Variants in SIRT1 observed in about 807,000 individuals in gnomAD.
SIRT1 encodes NAD-dependent protein deacetylase sirtuin-1.
In SIRT1, 24 loss-of-function variants were observed where a neutral mutation model predicts 67.9. The ratio of observed to expected loss-of-function variants is 0.35; its 90% CI spans 0.26 to 0.50. The LOEUF (loss-of-function observed/expected upper bound fraction) is 0.50. Ranked by LOEUF, SIRT1 falls within the 20% of genes least tolerant of loss-of-function variation. SIRT1 has a pLI of 0.98. For missense variants in SIRT1, 873 were observed against 937.2 expected, an observed-to-expected ratio of 0.93 and a Z score of 0.89; for synonymous variants, 378 against 350.7, an observed-to-expected ratio of 1.08 and a Z score of -0.87.
At chr10:67,906,390 T>A in intron 4 of SIRT1, 1 of 1,198,474 alleles carries the variant, frequency 8.3e-7, no homozygotes, top group South Asian at 1.6e-5. Context: ...CAGTGCTTTT[T>A]TTTTTAAATC....
intron 4 of SIRT1, among the ~76,000 whole-genome samples, chr10:67,902,301 T>C (rs1291074371): frequency 2.0e-5 from 3 of 152,234 alleles, no homozygotes; most frequent in East Asian, 3.8e-4. Context: ...AATATGTTCT[T>C]AATTATAGTC....
intron 6 of SIRT1, 63 bp downstream of exon 6, chr10:67,908,188 A>T (rs1047958607): frequency 6.4e-6 from 9 of 1,417,302 alleles, no homozygotes; most frequent in Admixed American, 1.8e-5. Flanking sequence ...CTTTTGCCTC[A>T]AAATCCTTTT....
chr10:67,911,349 C>T (rs1842895635), intron 7 of SIRT1, among the ~76,000 whole-genome samples: 1 of 152,058 alleles, frequency 6.6e-6, no homozygotes, highest in Non-Finnish European at 1.5e-5. Context: ...GCACACCATG[C>T]TTGGCAAATT....
chr10:67,917,311 A>G lies in SIRT1; in HGVS notation c.*718A>G, dbSNP rs1024174964. ...TTCCTGTGGACATGTAGCAATGTCT[A>G]TATTGGCTCATAAAACTAACCTGAA... On this transcript the variant is annotated 3_prime_UTR_variant, in exon 9 of 9. Transcript: ENST00000212015. 1 of 152,634 alleles carries G rather than the reference A, an allele frequency of 6.6e-6. No individual in the cohort carries two copies. Among genetic ancestry groups the G allele is most frequent in the Non-Finnish European group, 1.5e-5 (1 of 68,024 alleles). 9.5% of individuals were successfully genotyped at this position (152,634 alleles called of 1,614,324 possible). A position where few individuals can be genotyped will look rare whatever the true frequency, so the allele number is the denominator to read the frequency against.
chr10:67,907,593 G>T (rs1169898812), intron 5 of SIRT1, among the ~76,000 whole-genome samples: 1 of 152,026 alleles, frequency 6.6e-6, no homozygotes, highest in Non-Finnish European at 1.5e-5. Context: ...AAAAGAACTG[G>T]ATAGTTGAGA....
chr10:67,907,089 A>G, intron 5 of SIRT1, 152 bp downstream of exon 5: 1 of 681,706 alleles, frequency 1.5e-6, no homozygotes, highest in East Asian at 3.3e-5. Flanking sequence ...TAGAAAACAA[A>G]AATAATAAAA....
chr10:67,884,783 A>T lies in SIRT1; in HGVS notation c.62A>T (p.Asp21Val). ...PGGSPSAAGADREAASSPAGE... is the reference protein window; with the variant it reads ...PGGSPSAAGAVREAASSPAGE... ...GGCTCCCCCTCGGCGGCGGGGGCCG[A>T]CAGGGAGGCCGCGTCGTCCCCCGCC... Residue 21 changes from aspartate (D) to valine (V), a missense_variant, in exon 1 of 9, where the codon GAC (aspartate) becomes GTC (valine). Physicochemically the swap from Asp to Val is radical, Grantham distance 152 (BLOSUM62 -3). Transcript: ENST00000212015. 1.0e-6 allele frequency: 1 copy of T among 962,356 alleles called. No homozygotes were observed. The allele number at this position is 962,356 out of a possible 1,614,324, so 59.6% of individuals were successfully genotyped here. A position where few individuals can be genotyped will look rare whatever the true frequency, so the allele number is the denominator to read the frequency against.
intron 4 of SIRT1, among the ~76,000 whole-genome samples, chr10:67,901,613 G>GAAGAC (rs1842746263): frequency 6.6e-6 from 1 of 152,190 alleles, no homozygotes; most frequent in African/African-American, 2.4e-5. Context: ...AGCCTTGTCT[G>GAAGAC]TAGCATAATA....
chr10:67,909,765 G>A (rs1842871011), intron 7 of SIRT1, among the ~76,000 whole-genome samples: 3 of 152,002 alleles, frequency 2.0e-5, no homozygotes, highest in South Asian at 2.1e-4. Context: ...AGTATAGACC[G>A]GGTTTCACCA....
At chr10:67,892,375 A>C (rs886522458) in intron 4 of SIRT1, among the ~76,000 whole-genome samples, 1 of 152,098 alleles carries the variant, frequency 6.6e-6, no homozygotes, top group Non-Finnish European at 1.5e-5. Flanking sequence ...GTTTGAGACC[A>C]GCCTGAGCAA....
At chr10:67,885,493 T>A (rs1006348788) in intron 1 of SIRT1, 3 of 924,966 alleles carry the variant, frequency 3.2e-6, no homozygotes, top group Non-Finnish European at 4.1e-6. Flanking sequence ...TTTTTCTTTT[T>A]CTTTATTTTT....
chr10:67,905,277 T>G (rs1842803999), intron 4 of SIRT1, among the ~76,000 whole-genome samples: 1 of 152,156 alleles, frequency 6.6e-6, no homozygotes, highest in Non-Finnish European at 1.5e-5. Context: ...AAGAAAACAG[T>G]GGTTGATTTA....
chr10:67,910,101 TTGG>T (rs996566063), intron 7 of SIRT1, among the ~76,000 whole-genome samples: 10 of 151,886 alleles, frequency 6.6e-5, no homozygotes, highest in Non-Finnish European at 1.0e-4. Context: ...GCAAGTAATG[TTGG>T]TGGCTCGTGC....
At chr10:67,901,377 G>A (rs957567431) in intron 4 of SIRT1, among the ~76,000 whole-genome samples, 2 of 152,060 alleles carry the variant, frequency 1.3e-5, no homozygotes, top group African/African-American at 4.8e-5. Context: ...TCAAAACAGG[G>A]CTCTGCTACT....
At chr10:67,908,569 G>A (rs1168452164) in intron 6 of SIRT1, among the ~76,000 whole-genome samples, 1 of 152,146 alleles carries the variant, frequency 6.6e-6, no homozygotes, top group Non-Finnish European at 1.5e-5. Flanking sequence ...AATATATGGA[G>A]GTAATCATGT....
At position 67,888,604 on chromosome 10, in the gene SIRT1, A is replaced by G. The variant is rs551518692; in HGVS notation, c.548-278A>G. Among the ~76,000 whole-genome samples the G allele has an allele frequency of 9.1e-4, 138 of 152,282 alleles. 1 individual carries two copies. Among genetic ancestry groups the G allele is most frequent in the African/African-American group, 3.1e-3 (128 of 41,554 alleles). On this transcript the variant is annotated intron_variant, in intron 2 of 8. Transcript: ENST00000212015. Reference sequence around the variant, plus strand: ...TTGGTATTATGGTGTGTGTTTCTAGATATTAACCATAAGAACTTAATTCTG... The same window carrying G: ...TTGGTATTATGGTGTGTGTTTCTAGGTATTAACCATAAGAACTTAATTCTG...
rs905764294 is a variant in SIRT1 at position 67,896,782 on chromosome 10, A to G, written c.942+5228A>G. 3.2e-4 allele frequency among the ~76,000 whole-genome samples: 48 copies of G among 151,538 alleles called. No individual in the cohort carries two copies. The East Asian group carries it at 9.2e-3, about 29-fold the overall frequency. Reference sequence around the variant, plus strand: ...GTCTCAAAAAAAAAAAAAAAAAAAAAAAAAATTCGCTGGTCTCCACCTACG... The same window carrying G: ...GTCTCAAAAAAAAAAAAAAAAAAAAGAAAAATTCGCTGGTCTCCACCTACG... On this transcript the variant is annotated intron_variant, in intron 4 of 8. Transcript: ENST00000212015.
chr10:67,901,781 G>A (rs36084238), intron 4 of SIRT1, among the ~76,000 whole-genome samples: 14,301 of 152,058 alleles, frequency 0.094, 897 homozygotes, highest in Middle Eastern at 0.18. Context: ...CCATGTTTTT[G>A]TATAGGCTGT....
chr10:67,909,135 CTGTTT>C, intron 6 of SIRT1, 116 bp from the exon 7 acceptor site: 2 of 658,788 alleles, frequency 3.0e-6, no homozygotes, highest in Non-Finnish European at 4.9e-6. Context: ...CATAGCTTTT[CTGTTT>C]TGTTTTTTTT....
Sources: gnomAD v4.1 joint callset for allele counts (sites outside exome capture counted in the v4.1 genomes callset) on GRCh38, gnomAD v4.1.1 for gene constraint, MANE v1.5 for transcripts, NCBI Gene and HGNC (gene_info 2026-07-23, HGNC 2026-07-21) for gene names.